MYCBP2: variants seen among roughly 807,000 people sequenced by gnomAD.
The protein encoded by MYCBP2 is MYC binding protein 2, also known as E3 ubiquitin-protein ligase MYCBP2.
In MYCBP2, 120 loss-of-function variants were observed where a neutral mutation model predicts 525.3. The ratio of observed to expected loss-of-function variants is 0.23; its 90% CI spans 0.20 to 0.27. The LOEUF is 0.27. Among genes scored for constraint, MYCBP2 ranks in the 10% least tolerant of loss-of-function variants. The pLI, the probability that MYCBP2 is intolerant of heterozygous loss-of-function variation, is 1.00. For synonymous variants in MYCBP2, 1,894 were observed against 1,955.8 expected, an observed-to-expected ratio of 0.97 and a Z score of 0.83; for missense variants, 4,149 against 5,657.1, an observed-to-expected ratio of 0.73 and a Z score of 8.55.
At chr13:77,294,659 T>C (rs1360518252) in intron 2 of MYCBP2, among the ~76,000 whole-genome samples, 5 of 152,118 alleles carry the variant, frequency 3.3e-5, no homozygotes, top group Non-Finnish European at 5.9e-5. Context: ...GATTTGCACA[T>C]AGCACCAAAA....
At chr13:77,284,530 C>G (rs2076535425) in intron 3 of MYCBP2, among the ~76,000 whole-genome samples, 1 of 152,208 alleles carries the variant, frequency 6.6e-6, no homozygotes, top group Non-Finnish European at 1.5e-5. Context: ...CACTCCCCAC[C>G]CATAGTATCT....
At chr13:77,150,245 G>A (rs774127219) in intron 47 of MYCBP2, among the ~76,000 whole-genome samples, 2 of 152,182 alleles carry the variant, frequency 1.3e-5, no homozygotes, top group Non-Finnish European at 2.9e-5. Context: ...CCAAAACCCT[G>A]AAGAGATACA....
chr13:77,119,026 CTTTTT>C (rs944550324), intron 55 of MYCBP2, among the ~76,000 whole-genome samples: 1 of 151,998 alleles, frequency 6.6e-6, no homozygotes, highest in Non-Finnish European at 1.5e-5. Context: ...TTAATACTTT[CTTTTT>C]TAAGTTGTTA....
At chr13:77,170,301 T>C (rs2154220600) in intron 38 of MYCBP2, among the ~76,000 whole-genome samples, 1 of 152,364 alleles carries the variant, frequency 6.6e-6, no homozygotes, top group South Asian at 2.1e-4. Flanking sequence ...ATTAACATTT[T>C]AGTCAGTTAT....
At chr13:77,100,779 T>G (rs1026566017) in intron 55 of MYCBP2, among the ~76,000 whole-genome samples, 1 of 152,082 alleles carries the variant, frequency 6.6e-6, no homozygotes, top group Non-Finnish European at 1.5e-5. Context: ...TCCTTTATCA[T>G]ATTATGTGCT....
At chr13:77,272,077 T>C (rs1178773164) in intron 5 of MYCBP2, among the ~76,000 whole-genome samples, 4 of 152,222 alleles carry the variant, frequency 2.6e-5, no homozygotes, top group Admixed American at 2.6e-4. Flanking sequence ...TGATTGAGCA[T>C]AAATATTGGA....
intron 13 of MYCBP2, among the ~76,000 whole-genome samples, chr13:77,258,343 C>T (rs2072608986): frequency 6.6e-6 from 1 of 152,150 alleles, no homozygotes; most frequent in Admixed American, 6.5e-5. Context: ...ATTTTCTAAA[C>T]TTCACTTATT....
chr13:77,135,027 C>T (rs1485611722), intron 52 of MYCBP2, among the ~76,000 whole-genome samples: 4 of 152,166 alleles, frequency 2.6e-5, no homozygotes, highest in African/African-American at 4.8e-5. Flanking sequence ...TTCAAACTTC[C>T]AATCTCTGCC....
chr13:77,045,692 C>A (rs968225623), intron 82 of MYCBP2, among the ~76,000 whole-genome samples, 199 bp from the exon 83 acceptor site: 3 of 152,052 alleles, frequency 2.0e-5, no homozygotes, highest in Admixed American at 1.3e-4. Context: ...CAGATATGTA[C>A]AATGGAAGAA....
At chr13:77,086,267 TAAAC>T (rs1436797921) in intron 62 of MYCBP2, among the ~76,000 whole-genome samples, 3 of 152,188 alleles carry the variant, frequency 2.0e-5, no homozygotes, top group Non-Finnish European at 4.4e-5. Context: ...GACAGCCTTT[TAAAC>T]AAACTCAGTA....
chr13:77,242,443 T>C (rs2069017970), intron 17 of MYCBP2, among the ~76,000 whole-genome samples: 1 of 152,140 alleles, frequency 6.6e-6, no homozygotes, highest in Non-Finnish European at 1.5e-5. Flanking sequence ...CTAAGAAACT[T>C]TTAAGCTCAT....
intron 41 of MYCBP2, 145 bp from the exon 42 acceptor site, chr13:77,165,536 G>A (rs543576639): frequency 2.4e-4 from 144 of 594,496 alleles, no homozygotes; most frequent in African/African-American, 2.2e-3. Flanking sequence ...GACTTGCGGC[G>A]GGGAGCGTTC....
At chr13:77,306,187 C>T (rs751836766) in intron 1 of MYCBP2, among the ~76,000 whole-genome samples, 1 of 151,948 alleles carries the variant, frequency 6.6e-6, no homozygotes, top group South Asian at 2.1e-4. Context: ...GATACAAGAC[C>T]AACTTTTAAA....
chr13:77,057,303 C>T (rs1425854194), intron 78 of MYCBP2, among the ~76,000 whole-genome samples: 1 of 152,090 alleles, frequency 6.6e-6, no homozygotes, highest in Non-Finnish European at 1.5e-5. Flanking sequence ...ATTAACTAGG[C>T]CTTTGGCTTC....
intron 44 of MYCBP2, among the ~76,000 whole-genome samples, chr13:77,158,950 A>G (rs761247881): frequency 6.6e-6 from 1 of 152,364 alleles, no homozygotes; most frequent in African/African-American, 2.4e-5. Context: ...GGTTTCACCT[A>G]TCTGACAAGC....
At chr13:77,319,907 G>T (rs2081387912) in intron 1 of MYCBP2, among the ~76,000 whole-genome samples, 1 of 152,168 alleles carries the variant, frequency 6.6e-6, no homozygotes, top group South Asian at 2.1e-4. Flanking sequence ...GGGTTCCCAG[G>T]AAACAGACTC....
At chr13:77,253,542 C>T (rs1286873708) in intron 14 of MYCBP2, among the ~76,000 whole-genome samples, 1 of 151,742 alleles carries the variant, frequency 6.6e-6, no homozygotes, top group Non-Finnish European at 1.5e-5. Flanking sequence ...TCACTTATAT[C>T]AAGTATAAAA....
At chr13:77,163,469 A>T (rs1041651274) in intron 43 of MYCBP2, among the ~76,000 whole-genome samples, 1 of 152,188 alleles carries the variant, frequency 6.6e-6, no homozygotes, top group Admixed American at 6.5e-5. Context: ...GTAATCTTCA[A>T]TGAAGGAGTA....
chr13:77,112,270 G>A (rs982962555), intron 55 of MYCBP2, among the ~76,000 whole-genome samples: 1 of 147,188 alleles, frequency 6.8e-6, no homozygotes, highest in Non-Finnish European at 1.5e-5. Flanking sequence ...GCACTGGACT[G>A]TATCCCCTCT....
Sources: allele counts gnomAD v4.1 joint callset (sites outside exome capture counted in the v4.1 genomes callset), GRCh38; gene constraint gnomAD v4.1.1; transcripts MANE v1.5; gene names NCBI Gene and HGNC (gene_info 2026-07-23, HGNC 2026-07-21).